Variants in SLIT2 observed in about 807,000 individuals in gnomAD.
SLIT2 encodes slit guidance ligand 2.
In SLIT2, 41 loss-of-function variants were observed where a neutral mutation model predicts 185.7. That is an observed-to-expected ratio of 0.22 (90% confidence interval 0.17 to 0.29). The LOEUF is 0.29. SLIT2 is among the 10% of genes least tolerant of loss of function. The pLI, the probability that SLIT2 is intolerant of heterozygous loss-of-function variation, is 1.00. For missense variants in SLIT2, 1,571 were observed against 1,909.0 expected, an observed-to-expected ratio of 0.82 and a Z score of 3.30; for synonymous variants, 693 against 680.2, an observed-to-expected ratio of 1.02 and a Z score of -0.29.
At chr4:20,472,564 C>CGATATATCTATATATATCGA (rs60691515) in intron 5 of SLIT2, among the ~76,000 whole-genome samples, 66 of 4,660 alleles carry the variant, frequency 0.014, 26 homozygotes, top group African/African-American at 0.022. Flanking sequence ...AGATATATAT[C>CGATATATCTATATATATCGA]TATATATAGA....
intron 4 of SLIT2, among the ~76,000 whole-genome samples, chr4:20,406,271 CAT>C (rs1726768528): frequency 6.9e-6 from 1 of 143,898 alleles, no homozygotes; most frequent in African/African-American, 2.4e-5. Context: ...TTATATAAGA[CAT>C]GTGAAACATC....
intron 19 of SLIT2, among the ~76,000 whole-genome samples, chr4:20,540,039 G>C (rs1041823060): frequency 2.2e-4 from 25 of 112,194 alleles, no homozygotes; most frequent in African/African-American, 9.1e-4. Flanking sequence ...CAGCACTTTG[G>C]GAGGTTGAGG....
At chr4:20,599,465 C>G (rs1728245644) in intron 33 of SLIT2, among the ~76,000 whole-genome samples, 2 of 152,070 alleles carry the variant, frequency 1.3e-5, no homozygotes, top group African/African-American at 4.8e-5. Context: ...ATAATATGCT[C>G]TCACCCTTTT....
chr4:20,526,401 C>T (rs1420398610), intron 15 of SLIT2, among the ~76,000 whole-genome samples: 1 of 151,906 alleles, frequency 6.6e-6, no homozygotes, highest in Admixed American at 6.6e-5. Flanking sequence ...TTACTTTACC[C>T]AATTAAGTGG....
chr4:20,287,057 G>A (rs1285332090), intron 4 of SLIT2, among the ~76,000 whole-genome samples: 4 of 152,064 alleles, frequency 2.6e-5, no homozygotes, highest in African/African-American at 4.8e-5. Flanking sequence ...AGCTGCTGTT[G>A]TCTAAACTCC....
At chr4:20,271,193 C>T (rs1713564700) in intron 4 of SLIT2, among the ~76,000 whole-genome samples, 2 of 151,380 alleles carry the variant, frequency 1.3e-5, no homozygotes, top group Admixed American at 6.6e-5. Context: ...TTATAATGCT[C>T]ATTTAAAAAC....
rs142185911 is a variant in SLIT2 at position 20,578,721 on chromosome 4, A to G, written c.3088+9717A>G. On this transcript the variant is annotated intron_variant, in intron 29 of 36. Transcript: ENST00000504154. Reference sequence around the variant, plus strand: ...TGTGCCAGCAACACCATGTACTGCTATCTAAAATTATTTTGTTGTAGACAT... The same window carrying G: ...TGTGCCAGCAACACCATGTACTGCTGTCTAAAATTATTTTGTTGTAGACAT... 2.7e-3 allele frequency among the ~76,000 whole-genome samples: 406 copies of G among 152,352 alleles called. 4 individuals are homozygous for G. Among genetic ancestry groups the G allele is most frequent in the African/African-American group, 9.4e-3 (390 of 41,590 alleles).
intron 18 of SLIT2, among the ~76,000 whole-genome samples, chr4:20,538,682 C>A (rs1243829320): frequency 6.7e-6 from 1 of 149,580 alleles, no homozygotes; most frequent in Non-Finnish European, 1.5e-5. Flanking sequence ...AGTTTTTAAG[C>A]CAGACAAATA....
At chr4:20,547,871 A>G (rs1282708100) in intron 22 of SLIT2, among the ~76,000 whole-genome samples, 1 of 152,058 alleles carries the variant, frequency 6.6e-6, no homozygotes, top group African/African-American at 2.4e-5. Context: ...TCTCCCATTT[A>G]CTTAACATTC....
chr4:20,536,110 T>G (rs899308349), intron 18 of SLIT2, among the ~76,000 whole-genome samples: 19 of 152,154 alleles, frequency 1.2e-4, no homozygotes, highest in Non-Finnish European at 2.5e-4. Context: ...ATAAAAAAGA[T>G]GGTACAAAAT....
chr4:20,607,275 T>C (rs1257650817), intron 33 of SLIT2, among the ~76,000 whole-genome samples: 3 of 152,222 alleles, frequency 2.0e-5, no homozygotes, highest in Non-Finnish European at 2.9e-5. Context: ...TCCTTGACGA[T>C]ACTGCCACTG....
intron 4 of SLIT2, among the ~76,000 whole-genome samples, chr4:20,405,299 C>T (rs572136141): frequency 6.6e-6 from 1 of 151,962 alleles, no homozygotes; most frequent in Non-Finnish European, 1.5e-5. Context: ...GTATGTCCTG[C>T]TTCCCTTTGG....
At chr4:20,398,300 A>G (rs951896030) in intron 4 of SLIT2, among the ~76,000 whole-genome samples, 2 of 151,810 alleles carry the variant, frequency 1.3e-5, no homozygotes, top group Admixed American at 1.3e-4. Context: ...AGGCAAAATG[A>G]GGAAAAGGGT....
intron 34 of SLIT2, chr4:20,616,348 G>A (rs1037998259): frequency 1.3e-5 from 2 of 152,238 alleles, no homozygotes; most frequent in African/African-American, 4.8e-5. Flanking sequence ...ACCTAACCCT[G>A]ACTCCAGAGA....
At chr4:20,451,247 C>CCGATGT (rs1345692590) in intron 4 of SLIT2, among the ~76,000 whole-genome samples, 2 of 152,118 alleles carry the variant, frequency 1.3e-5, no homozygotes, top group Non-Finnish European at 2.9e-5. Flanking sequence ...AGTGATGTGA[C>CCGATGT]CGATGTGACA....
At chr4:20,558,810 G>A (rs538218230) in intron 26 of SLIT2, among the ~76,000 whole-genome samples, 1 of 152,130 alleles carries the variant, frequency 6.6e-6, no homozygotes, top group South Asian at 2.1e-4. Context: ...TAATAGAAAT[G>A]TTCCAAATCT....
intron 10 of SLIT2, 135 bp from the exon 11 acceptor site, chr4:20,510,931 G>A (rs565813730): frequency 8.9e-6 from 5 of 560,776 alleles, no homozygotes; most frequent in Non-Finnish European, 1.6e-5. Context: ...TGATCCTTCA[G>A]ATGTTCAATG....
chr4:20,548,943 T>C, intron 23 of SLIT2, 114 bp from the exon 24 acceptor site: 1 of 662,814 alleles, frequency 1.5e-6, no homozygotes. Flanking sequence ...ATATTGTGTG[T>C]TAACACTATC....
intron 34 of SLIT2, among the ~76,000 whole-genome samples, chr4:20,612,773 C>T (rs955729340): frequency 6.6e-6 from 1 of 151,892 alleles, no homozygotes; most frequent in African/African-American, 2.4e-5. Context: ...AAAAAATTAG[C>T]CGGGCATGGT....
Sources: gnomAD v4.1 joint callset for allele counts (sites outside exome capture counted in the v4.1 genomes callset) on GRCh38, gnomAD v4.1.1 for gene constraint, MANE v1.5 for transcripts, NCBI Gene and HGNC (gene_info 2026-07-23, HGNC 2026-07-21) for gene names.